NR5A2: variants seen among roughly 807,000 people sequenced by gnomAD.
NR5A2 encodes CYP7A promoter-binding factor.
NR5A2 carries 26 observed loss-of-function variants against 62.7 expected under a neutral mutation model. The ratio of observed to expected loss-of-function variants is 0.41; its 90% CI spans 0.30 to 0.58. The LOEUF (loss-of-function observed/expected upper bound fraction) is 0.58, where lower values mean the gene tolerates loss of function less well. Among genes scored for constraint, NR5A2 ranks in the 20% least tolerant of loss-of-function variants. The pLI is 0.22. For missense variants in NR5A2, 541 were observed against 669.1 expected (o/e 0.81, Z 2.11); for synonymous variants, 246 against 241.7 (o/e 1.02, Z -0.16).
intron 2 of NR5A2, among the ~76,000 whole-genome samples, chr1:200,042,244 C>G (rs1372812909): frequency 6.6e-6 from 1 of 152,128 alleles, no homozygotes; most frequent in African/African-American, 2.4e-5. Context: ...AACTCACTCC[C>G]CTGTGAGCCA....
intron 7 of NR5A2, among the ~76,000 whole-genome samples, chr1:200,157,374 G>C: frequency 6.6e-6 from 1 of 152,236 alleles, no homozygotes; most frequent in South Asian, 2.1e-4. Context: ...GAAAGGGAAT[G>C]GTCACCACAT....
At chr1:200,105,969 A>G (rs1665638865) in intron 5 of NR5A2, among the ~76,000 whole-genome samples, 1 of 151,906 alleles carries the variant, frequency 6.6e-6, no homozygotes, top group Non-Finnish European at 1.5e-5. Flanking sequence ...TAAAAGGGAA[A>G]TGGGAGGGGG....
At chr1:200,066,697 C>T (rs899902781) in intron 5 of NR5A2, among the ~76,000 whole-genome samples, 1 of 148,292 alleles carries the variant, frequency 6.7e-6, no homozygotes, top group Non-Finnish European at 1.5e-5. Context: ...AAGTGATCCT[C>T]CTGCCCCAGT....
intron 5 of NR5A2, among the ~76,000 whole-genome samples, chr1:200,076,427 G>T (rs1664041318): frequency 2.0e-5 from 3 of 151,354 alleles, no homozygotes; most frequent in Non-Finnish European, 1.5e-5. Context: ...GGATGGAAAA[G>T]AATGTAAGCA....
intron 7 of NR5A2, among the ~76,000 whole-genome samples, chr1:200,164,549 CTT>C (rs35458399): frequency 1.2e-4 from 17 of 139,518 alleles, no homozygotes; most frequent in Admixed American, 2.2e-4. Context: ...TTTTAATAGA[CTT>C]TTTTTTTTTT....
At chr1:200,062,227 T>TG (rs1663256673) in intron 5 of NR5A2, among the ~76,000 whole-genome samples, 3 of 145,666 alleles carry the variant, frequency 2.1e-5, no homozygotes, top group Non-Finnish European at 3.0e-5. Flanking sequence ...CTGGCAGATT[T>TG]TGTGTGTGTG....
At position 200,039,761 on chromosome 1, in the gene NR5A2, T is replaced by A. The variant is rs753803795; in HGVS notation, c.168T>A (p.His56Gln). The stretch of plus-strand genomic sequence containing the variant: ...AAGCCCTGGGACTGGCTCGATCGCA[T>A]GGGGAACAGGGCCAGATGCCGGAAA... ...ETEALGLARS[H>Q]GEQGQMPENM... is the part of the protein sequence containing the mutation. The change falls in exon 2 of 8, where the codon CAT becomes CAA. Residue 56 changes from histidine to glutamine, a missense_variant. Coordinates refer to ENST00000367362, the MANE Select transcript of NR5A2 (RefSeq NM_205860.3). The surrounding 1 kb of genome is among the most constrained non-coding windows in gnomAD (Gnocchi z 5.1). 1.2e-6 allele frequency: 2 copies of A among 1,609,390 alleles called. No homozygotes were observed. Among genetic ancestry groups the A allele is most frequent in the Non-Finnish European group, 1.7e-6 (2 of 1,178,016 alleles).
chr1:200,061,794 G>A (rs1663232662), intron 5 of NR5A2, among the ~76,000 whole-genome samples: 1 of 152,136 alleles, frequency 6.6e-6, no homozygotes. Flanking sequence ...TTTCATCAAT[G>A]GTTTAGTAGT....
At chr1:200,073,062 T>C (rs1002239255) in intron 5 of NR5A2, among the ~76,000 whole-genome samples, 6 of 151,922 alleles carry the variant, frequency 3.9e-5, no homozygotes, top group Non-Finnish European at 8.8e-5. Context: ...GTTGATTGCT[T>C]GCCTTTTTGT....
Position 200,048,699 on chromosome 1 carries a change from G to A in NR5A2, c.991G>A (p.Ala331Thr), listed in dbSNP as rs1251361210. The A allele has an allele frequency of 8.1e-6, 13 of 1,614,052 alleles. No homozygotes were observed. The East Asian group carries it at 1.8e-4, about 22-fold the overall frequency. Residue 331 changes from alanine (A) to threonine (T), a missense_variant, in exon 5 of 8, where the codon GCT becomes ACT. By Grantham distance (58) the Ala-to-Thr change is moderately conservative. Coordinates refer to ENST00000367362, the MANE Select transcript of NR5A2 (RefSeq NM_205860.3). The surrounding 1 kb of genome is among the most constrained non-coding windows in gnomAD (Gnocchi z 4.8). ...CATGGCCTATTTGCAGCAAGAGCAG[G>A]CTAACCGAAGCAAGCACGAAAAGCT... is the stretch of plus-strand genomic sequence containing the variant. Reference protein sequence around the residue: ...KIMAYLQQEQANRSKHEKLST... With the variant: ...KIMAYLQQEQTNRSKHEKLST...
chr1:200,087,561 A>AT (rs1553270500), intron 5 of NR5A2, among the ~76,000 whole-genome samples: 3 of 150,146 alleles, frequency 2.0e-5, no homozygotes, highest in Non-Finnish European at 3.0e-5. Flanking sequence ...CACCTGGCTA[A>AT]TTTTTTTGTA....
intron 5 of NR5A2, among the ~76,000 whole-genome samples, chr1:200,085,865 C>T (rs908978798): frequency 1.3e-4 from 20 of 152,120 alleles, no homozygotes; most frequent in African/African-American, 4.3e-4. Context: ...AAAAGACCGA[C>T]ACAATTTATC....
chr1:200,064,106 A>C (rs1338267572), intron 5 of NR5A2, among the ~76,000 whole-genome samples: 1 of 150,818 alleles, frequency 6.6e-6, no homozygotes, highest in African/African-American at 2.4e-5. Flanking sequence ...CCAAGATTGC[A>C]CCATCGCGCT....
At chr1:200,058,554 C>T (rs1663033780) in intron 5 of NR5A2, 1 of 151,900 alleles carries the variant, frequency 6.6e-6, no homozygotes, top group African/African-American at 2.4e-5. Context: ...AATCTCAGCT[C>T]ACTGCAGCCT....
rs760447996 is a variant in NR5A2 at position 200,063,028 on chromosome 1, G to GT, written c.1110+14223dup. Among the ~76,000 whole-genome samples the GT allele has an allele frequency of 2.5e-3, 363 of 142,502 alleles. 2 individuals carry two copies. Among genetic ancestry groups the GT allele is most frequent in the Middle Eastern group, 7.1e-3 (2 of 280 alleles). The allele number at this position is 142,502 out of a possible 152,430, so 93.5% of individuals were successfully genotyped here. A position where few individuals can be genotyped will look rare whatever the true frequency, so the allele number is the denominator to read the frequency against. Reference sequence around the variant, plus strand: ...CAATGGCCCTGGTTCACTTTGGCGTGTTTTTTTTTTTTTGAGATGGAGTCT... The same window carrying GT: ...CAATGGCCCTGGTTCACTTTGGCGTGTTTTTTTTTTTTTTGAGATGGAGTCT... On this transcript the variant is annotated intron_variant, in intron 5 of 7. Coordinates refer to ENST00000367362, the MANE Select transcript of NR5A2 (RefSeq NM_205860.3).
intron 7 of NR5A2, among the ~76,000 whole-genome samples, chr1:200,151,449 C>G (rs1653110734): frequency 6.6e-6 from 1 of 152,158 alleles, no homozygotes; most frequent in Non-Finnish European, 1.5e-5. Flanking sequence ...AAATCAATAG[C>G]GAGCTTTCAT....
At chr1:200,150,541 C>A (rs115957452) in intron 7 of NR5A2, among the ~76,000 whole-genome samples, 1 of 152,028 alleles carries the variant, frequency 6.6e-6, no homozygotes, top group Non-Finnish European at 1.5e-5. Flanking sequence ...GGGCTAATTA[C>A]GAGATGCTTG....
At position 200,177,127 on chromosome 1, in the gene NR5A2, A is replaced by G. The variant is rs1271184813; in HGVS notation, c.*2917A>G. On this transcript the variant is annotated 3_prime_UTR_variant, in exon 8 of 8. Coordinates refer to ENST00000367362, the MANE Select transcript of NR5A2 (RefSeq NM_205860.3). Reference sequence around the variant, plus strand: ...CTTATCAATTACAGGATTTGCCGGTAAAAGCAGACTCAAATATAAAGGTTT... The same window carrying G: ...CTTATCAATTACAGGATTTGCCGGTGAAAGCAGACTCAAATATAAAGGTTT... The G allele has an allele frequency of 6.6e-6, 1 of 152,566 alleles. No homozygotes were observed. The allele number at this position is 152,566 out of a possible 1,614,324, so 9.5% of individuals were successfully genotyped here.
intron 7 of NR5A2, among the ~76,000 whole-genome samples, chr1:200,153,706 G>A (rs957303619): frequency 6.6e-6 from 1 of 151,968 alleles, no homozygotes; most frequent in South Asian, 2.1e-4. Context: ...AATTGAAAAT[G>A]TACTAAGAAT....
Sources: allele counts gnomAD v4.1 joint callset (sites outside exome capture counted in the v4.1 genomes callset), GRCh38; gene constraint gnomAD v4.1.1; non-coding constraint Gnocchi (gnomAD v3.1); transcripts MANE v1.5; gene names NCBI Gene and HGNC (gene_info 2026-07-23, HGNC 2026-07-21).